Variants in FOXP1 observed in about 807,000 individuals in gnomAD.
FOXP1 encodes the protein forkhead box P1.
In FOXP1, 15 loss-of-function variants were observed where a neutral mutation model predicts 98.2. The observed-to-expected ratio is 0.15, with a 90% confidence interval of 0.10 to 0.24. FOXP1 has a LOEUF of 0.24. Ranked by LOEUF, FOXP1 falls within the 10% of genes least tolerant of loss-of-function variation. The probability of loss-of-function intolerance (pLI) is 1.00; values close to 1 mark genes in which losing one functional copy is unlikely to be tolerated. For missense variants in FOXP1, 633 were observed against 848.5 expected, an observed-to-expected ratio of 0.75 and a Z score of 3.15; for synonymous variants, 371 against 314.5, an observed-to-expected ratio of 1.18 and a Z score of -1.90.
rs1157799704 is a variant in FOXP1, at chr3:70,956,584, A to G, written c.*2663T>C. On this transcript the variant is annotated 3_prime_UTR_variant, in exon 21 of 21. Transcript: ENST00000649528. ...CTGTTATCTTTACTCATGTCTAGCT[A>G]CACATGCTGAGAATGAACTAATCTA... The G allele has an allele frequency of 1.3e-5, 3 of 230,730 alleles. No homozygotes were observed. Among genetic ancestry groups the G allele is most frequent in the Non-Finnish European group, 2.6e-5 (3 of 116,448 alleles). 14.3% of individuals were successfully genotyped at this position (230,730 alleles called of 1,614,324 possible).
At chr3:71,114,263 G>C (rs1034403357) in intron 6 of FOXP1, among the ~76,000 whole-genome samples, 1 of 152,142 alleles carries the variant, frequency 6.6e-6, no homozygotes, top group African/African-American at 2.4e-5. Context: ...AAAGTTACAG[G>C]GACAATAGTG....
chr3:71,281,046 A>C (rs1415216995), intron 5 of FOXP1, among the ~76,000 whole-genome samples: 1 of 149,846 alleles, frequency 6.7e-6, no homozygotes, highest in Non-Finnish European at 1.5e-5. Context: ...CTACAAAAAA[A>C]AAAAAAAAAA....
chr3:71,453,169 T>C (rs1207448886), intron 3 of FOXP1, among the ~76,000 whole-genome samples: 1 of 152,180 alleles, frequency 6.6e-6, no homozygotes, highest in African/African-American at 2.4e-5. Flanking sequence ...CTTGGTGATG[T>C]TTGGGCCAGT....
At chr3:71,158,518 G>C (rs2060965796) in intron 6 of FOXP1, among the ~76,000 whole-genome samples, 1 of 152,096 alleles carries the variant, frequency 6.6e-6, no homozygotes, top group South Asian at 2.1e-4. Context: ...AAACCAATGA[G>C]AGCTCAGTAA....
chr3:70,966,324 C>T, intron 19 of FOXP1: 1 of 491,260 alleles, frequency 2.0e-6, no homozygotes, highest in South Asian at 2.0e-5. Context: ...TTGGTAGTCA[C>T]ATGGTTTAGA....
chr3:71,448,461 T>C (rs1560501948), intron 3 of FOXP1, among the ~76,000 whole-genome samples: 2 of 152,100 alleles, frequency 1.3e-5, no homozygotes, highest in African/African-American at 4.8e-5. Context: ...TAATGGAACA[T>C]AGCAAAGACT....
chr3:71,505,676 C>T (rs776199669), intron 2 of FOXP1, among the ~76,000 whole-genome samples: 1 of 152,130 alleles, frequency 6.6e-6, no homozygotes, highest in Non-Finnish European at 1.5e-5. Context: ...TTGCCTGCCT[C>T]GGCCTCCCAA....
At chr3:70,990,770 G>C (rs1208494856) in intron 13 of FOXP1, among the ~76,000 whole-genome samples, 2 of 152,196 alleles carry the variant, frequency 1.3e-5, no homozygotes, top group East Asian at 3.9e-4. Context: ...TGCTTGTGCA[G>C]GGGTCATTTT....
At position 71,397,008 on chromosome 3, in the gene FOXP1, G is replaced by GTATA. The variant is rs377470035; in HGVS notation, c.-167-37768_-167-37765dup. 1.9e-3 allele frequency among the ~76,000 whole-genome samples: 39 copies of GTATA among 20,380 alleles called. 10 individuals carry two copies. The highest frequency in any genetic ancestry group is 3.6e-3 in the Admixed American group (9 of 2,490). 13.4% of individuals were successfully genotyped at this position (20,380 alleles called of 152,430 possible). A position where few individuals can be genotyped will look rare whatever the true frequency, so the allele number is the denominator to read the frequency against. ...TGTATATATATACACATATATATGT[G>GTATA]TATATATATATATATACATATATAT... On this transcript the variant is annotated intron_variant, in intron 3 of 20. Coordinates refer to ENST00000649528, the MANE Select transcript of FOXP1 (RefSeq NM_001349338.3).
intron 5 of FOXP1, among the ~76,000 whole-genome samples, chr3:71,281,326 C>T (rs1211367677): frequency 6.6e-6 from 1 of 152,182 alleles, no homozygotes; most frequent in Non-Finnish European, 1.5e-5. Flanking sequence ...CGTGCACACA[C>T]TCACTCTCTC....
chr3:71,219,590 A>T (rs2065202020), intron 5 of FOXP1, among the ~76,000 whole-genome samples: 1 of 152,214 alleles, frequency 6.6e-6, no homozygotes, highest in African/African-American at 2.4e-5. Flanking sequence ...GTCTGAATTG[A>T]GATGATTTTT....
intron 3 of FOXP1, among the ~76,000 whole-genome samples, chr3:71,431,061 T>G (rs1274287948): frequency 2.6e-5 from 4 of 151,842 alleles, no homozygotes; most frequent in African/African-American, 9.7e-5. Context: ...GGCAGGGAGG[T>G]GAGTGGTGGA....
intron 2 of FOXP1, among the ~76,000 whole-genome samples, chr3:71,548,230 A>G (rs2045513198): frequency 6.6e-6 from 1 of 152,312 alleles, no homozygotes; most frequent in East Asian, 1.9e-4. Flanking sequence ...AGTTGGCCCT[A>G]TGAATGGAGG....
chr3:71,570,493 A>G (rs1449012186), intron 2 of FOXP1: 5 of 152,242 alleles, frequency 3.3e-5, no homozygotes, highest in Admixed American at 2.6e-4. Flanking sequence ...TGCATGGTCC[A>G]GCTCCCTGGG....
intron 4 of FOXP1, among the ~76,000 whole-genome samples, chr3:71,358,776 G>A (rs2107894695): frequency 6.6e-6 from 1 of 152,258 alleles, no homozygotes; most frequent in South Asian, 2.1e-4. Flanking sequence ...CTGGAGCACA[G>A]TGACACCCCT....
At chr3:71,406,405 G>GTATATATATATATATATATATATATACA (rs60423991) in intron 3 of FOXP1, among the ~76,000 whole-genome samples, 1 of 105,948 alleles carries the variant, frequency 9.4e-6, no homozygotes, top group African/African-American at 3.1e-5. Context: ...AACTGTATGT[G>GTATATATATATATATATATATATATACA]TATATATATA....
chr3:71,348,506 A>AGTGT (rs200279807), intron 4 of FOXP1, among the ~76,000 whole-genome samples: 5 of 90,460 alleles, frequency 5.5e-5, no homozygotes, highest in South Asian at 4.6e-4. Context: ...TGCTGTGTTC[A>AGTGT]GTGTGTGTGT....
At chr3:71,030,722 G>T (rs2046751490) in intron 11 of FOXP1, among the ~76,000 whole-genome samples, 1 of 152,178 alleles carries the variant, frequency 6.6e-6, no homozygotes, top group Non-Finnish European at 1.5e-5. Flanking sequence ...ATTTATCCTT[G>T]TTGAGTTTCT....
intron 5 of FOXP1, among the ~76,000 whole-genome samples, chr3:71,256,484 C>T (rs984714405): frequency 6.6e-6 from 1 of 152,172 alleles, no homozygotes; most frequent in African/African-American, 2.4e-5. Context: ...CTCGGGTTCA[C>T]ACCATTCTCC....
Sources: allele counts gnomAD v4.1 joint callset (sites outside exome capture counted in the v4.1 genomes callset), GRCh38; gene constraint gnomAD v4.1.1; transcripts MANE v1.5; gene names NCBI Gene and HGNC (gene_info 2026-07-23, HGNC 2026-07-21).